The following NBEA variants were observed in gnomAD, a reference collection of about 807,000 sequenced individuals.
NBEA encodes neurobeachin.
Under a neutral mutation model 343.4 loss-of-function variants are expected in NBEA, and 44 were observed. The observed-to-expected ratio is 0.13, with a 90% CI of 0.10 to 0.16. The LOEUF (loss-of-function observed/expected upper bound fraction) is 0.16. Ranked by LOEUF, NBEA falls within the 10% of genes least tolerant of loss-of-function variation. The pLI is 1.00. For synonymous variants in NBEA, 1,175 were observed against 1,238.7 expected (o/e 0.95, Z 1.08); for missense variants, 2,555 against 3,631.3 (o/e 0.70, Z 7.62).
At chr13:35,497,345 T>C (rs1486272747) in intron 41 of NBEA, among the ~76,000 whole-genome samples, 1 of 152,154 alleles carries the variant, frequency 6.6e-6, no homozygotes, top group Non-Finnish European at 1.5e-5. Flanking sequence ...ACAATGTTTT[T>C]GTTACTGGAG....
chr13:35,660,556 G>A (rs1027849040), intron 55 of NBEA, among the ~76,000 whole-genome samples: 1 of 152,158 alleles, frequency 6.6e-6, no homozygotes, highest in Admixed American at 6.5e-5. Flanking sequence ...CTCCAGCTGT[G>A]CACACACACC....
intron 41 of NBEA, among the ~76,000 whole-genome samples, chr13:35,550,052 C>G (rs1372253207): frequency 6.6e-6 from 1 of 152,124 alleles, no homozygotes; most frequent in Non-Finnish European, 1.5e-5. Flanking sequence ...TTTGCTGACA[C>G]CTGGATTAAA....
intron 33 of NBEA, among the ~76,000 whole-genome samples, chr13:35,221,219 C>CT (rs2074348264): frequency 6.6e-6 from 1 of 151,972 alleles, no homozygotes; most frequent in African/African-American, 2.4e-5. Flanking sequence ...TGGTGAGTGC[C>CT]TGTAATCCCA....
At chr13:35,654,631 G>A (rs1489279109) in intron 53 of NBEA, among the ~76,000 whole-genome samples, 2 of 152,050 alleles carry the variant, frequency 1.3e-5, no homozygotes, top group South Asian at 2.1e-4. Context: ...TTGGTGGAGG[G>A]AGAACTAAAA....
Position 35,475,677 on chromosome 13 carries a change from G to A in NBEA, c.6585+3141G>A, listed in dbSNP as rs561105569. Reference sequence around the variant, plus strand: ...GGATTCTCAGTTTCACTTCGCTGGTGTCTGCCACCATCTTTACCACATCCC... The same window carrying A: ...GGATTCTCAGTTTCACTTCGCTGGTATCTGCCACCATCTTTACCACATCCC... On this transcript the variant is annotated intron_variant, in intron 41 of 58. Coordinates refer to ENST00000379939, the MANE Select transcript of NBEA (RefSeq NM_001385012.1). The A allele has an allele frequency of 3.2e-5, 52 of 1,613,840 alleles. 1 individual carries two copies. In the South Asian group the frequency reaches 5.6e-4, roughly 17 times the overall value.
intron 1 of NBEA, 151 bp from the exon 2 acceptor site, chr13:35,040,782 G>T: frequency 1.6e-6 from 1 of 615,482 alleles, no homozygotes; most frequent in Middle Eastern, 4.1e-4. Flanking sequence ...TCACTTATTT[G>T]TAGCTCTTAT....
chr13:34,967,354 T>G (rs183619550), intron 1 of NBEA, among the ~76,000 whole-genome samples: 143 of 151,962 alleles, frequency 9.4e-4, no homozygotes, highest in Middle Eastern at 3.4e-3. Context: ...TTACCTTTTT[T>G]TTTTTAAAAA....
In NBEA at chr13:35,649,031, AAAG is replaced by A. The variant is rs139421615; in HGVS notation, c.7771-609_7771-607del. 2.1e-3 allele frequency among the ~76,000 whole-genome samples: 318 copies of A among 152,266 alleles called. 2 individuals are homozygous for A. The highest frequency in any genetic ancestry group is 6.9e-3 in the African/African-American group (286 of 41,536). On this transcript the variant is annotated intron_variant, in intron 51 of 58. Transcript: ENST00000379939. ...CCTGGAACTTAAAATAATTAAAAAA[AAAG>A]AAGAAGAAGAAGAAAAAGCATTGGC...
intron 1 of NBEA, among the ~76,000 whole-genome samples, chr13:35,020,599 A>C (rs2061804335): frequency 1.3e-5 from 2 of 152,140 alleles, no homozygotes; most frequent in Admixed American, 6.5e-5. Context: ...CTTTACTGCA[A>C]CGTCTGCCTA....
At chr13:35,563,102 C>T (rs2079942459) in intron 44 of NBEA, among the ~76,000 whole-genome samples, 1 of 142,962 alleles carries the variant, frequency 7.0e-6, no homozygotes, top group Non-Finnish European at 1.6e-5. Context: ...GCATAGTTAG[C>T]AAAATAAAGT....
chr13:35,141,567 G>A (rs1440747241), intron 17 of NBEA, among the ~76,000 whole-genome samples: 4 of 152,126 alleles, frequency 2.6e-5, no homozygotes, highest in African/African-American at 9.7e-5. Context: ...TCCCGGCCCA[G>A]ATCTTGAATT....
intron 35 of NBEA, among the ~76,000 whole-genome samples, chr13:35,298,435 C>T (rs1037526981): frequency 6.6e-6 from 1 of 151,314 alleles, no homozygotes; most frequent in African/African-American, 2.4e-5. Context: ...GCTTCCACAA[C>T]TATTGCTGCA....
At chr13:35,190,471 A>G (rs1285586527) in intron 30 of NBEA, among the ~76,000 whole-genome samples, 1 of 152,104 alleles carries the variant, frequency 6.6e-6, no homozygotes, top group Non-Finnish European at 1.5e-5. Context: ...CCAAACACAC[A>G]CACACAGAGC....
In NBEA at chr13:35,109,482, G is replaced by A. The variant is rs376713014; in HGVS notation, c.1833+40G>A. On this transcript the variant is annotated intron_variant, in intron 12 of 58. Transcript: ENST00000379939. ...CTTATTCAGTTTGATTTAGTGTAAT[G>A]TTATACATTATAGTTGCTGGATCTA... 2.0e-6 allele frequency: 3 copies of A among 1,504,412 alleles called. No individual in the cohort carries two copies. In the African/African-American group the frequency reaches 4.2e-5, roughly 21 times the overall value. 93.2% of individuals were successfully genotyped at this position (1,504,412 alleles called of 1,614,324 possible). A position where few individuals can be genotyped will look rare whatever the true frequency, so the allele number is the denominator to read the frequency against.
At chr13:35,124,708 ATGTATGGATATATATACACATATG>A (rs1324980412) in intron 17 of NBEA, among the ~76,000 whole-genome samples, 1 of 150,318 alleles carries the variant, frequency 6.7e-6, no homozygotes, top group African/African-American at 2.5e-5. Flanking sequence ...ACACACATAT[ATGTATGGATATATATACACATATG>A]TATGGATATA....
intron 13 of NBEA, among the ~76,000 whole-genome samples, chr13:35,113,830 T>G (rs912733955): frequency 1.1e-4 from 16 of 152,292 alleles, no homozygotes; most frequent in African/African-American, 3.8e-4. Flanking sequence ...TGTGGCTTGT[T>G]CTAGTGAAAC....
chr13:35,009,049 G>T (rs2061403415), intron 1 of NBEA, among the ~76,000 whole-genome samples: 1 of 152,150 alleles, frequency 6.6e-6, no homozygotes, highest in Admixed American at 6.5e-5. Context: ...TTTCTTGGTA[G>T]CTCTCTGATG....
intron 21 of NBEA, among the ~76,000 whole-genome samples, chr13:35,158,282 G>T (rs555084988): frequency 6.6e-6 from 1 of 152,128 alleles, no homozygotes; most frequent in African/African-American, 2.4e-5. Flanking sequence ...TACATTAATA[G>T]AACCCATGTC....
At chr13:35,020,675 A>G (rs1011459330) in intron 1 of NBEA, among the ~76,000 whole-genome samples, 7 of 151,996 alleles carry the variant, frequency 4.6e-5, no homozygotes, top group Non-Finnish European at 1.0e-4. Flanking sequence ...GTGCCACCAC[A>G]CCCAGCTAAT....
Sources: allele counts gnomAD v4.1 joint callset (sites outside exome capture counted in the v4.1 genomes callset), GRCh38; gene constraint gnomAD v4.1.1; transcripts MANE v1.5; gene names NCBI Gene and HGNC (gene_info 2026-07-23, HGNC 2026-07-21).